The following LITAF variants were observed in gnomAD, a reference collection of about 807,000 sequenced individuals.
The protein encoded by LITAF is lipopolysaccharide induced TNF factor.
A neutral mutation model predicts 14.5 loss-of-function variants in LITAF; 9 were observed. The observed-to-expected ratio is 0.62, with a 90% CI of 0.37 to 1.08. The LOEUF is 1.08. LITAF is among the 50% of genes least tolerant of loss of function. The pLI is 0.01. For missense variants in LITAF, 206 were observed against 213.4 expected (o/e 0.97, Z 0.22); for synonymous variants, 98 against 88.2 (o/e 1.11, Z -0.62).
Position 11,553,521 on chromosome 16 carries a change from A to G in LITAF, c.377+12T>C. On this transcript the variant is annotated intron_variant, in intron 3 of 3. Coordinates refer to ENST00000622633, the MANE Select transcript of LITAF (RefSeq NM_001136472.2). This position sits in a 1 kb window ranked among gnomAD's most constrained non-coding sequence, Gnocchi z 7.7. ...GCAGGATGGCTTGGGGCCAAGTGGG[A>G]GGCAGACTCACCCCAGCAGGCACAG... 1 of 1,613,754 alleles carries G rather than the reference A, an allele frequency of 6.2e-7. No homozygotes were observed. Among genetic ancestry groups the G allele is most frequent in the Non-Finnish European group, 8.5e-7 (1 of 1,179,922 alleles).
rs60579660 is a variant in LITAF, at chr16:11,573,499, G to A, written c.-6+13387C>T. Among the ~76,000 whole-genome samples the A allele has an allele frequency of 8.7e-4, 133 of 152,230 alleles. 1 individual carries two copies. Among genetic ancestry groups the A allele is most frequent in the African/African-American group, 3.0e-3 (124 of 41,542 alleles). On this transcript the variant is annotated intron_variant, in intron 1 of 3. Transcript: ENST00000622633. ...AAGCACATGGGGTATTCACTACAGC[G>A]TTGCTGGTAACAGCAGAAGCCTAGT...
chr16:11,548,937 GCA>G lies in LITAF; in HGVS notation c.*698_*699del. ...TATGGAAAGGGGCACTGAAGATCTGGCACAGAGAAACAAGGGGAGACAGGGCA... is the reference window on the plus strand; with the variant it reads ...TATGGAAAGGGGCACTGAAGATCTGGCAGAGAAACAAGGGGAGACAGGGCA... On this transcript the variant is annotated 3_prime_UTR_variant, in exon 4 of 4. Coordinates refer to ENST00000622633, the MANE Select transcript of LITAF (RefSeq NM_001136472.2). 1 of 454,040 alleles carries G rather than the reference GCA, an allele frequency of 2.2e-6. No individual in the cohort carries two copies. Among genetic ancestry groups the G allele is most frequent in the Non-Finnish European group, 4.4e-6 (1 of 226,790 alleles). 28.1% of individuals were successfully genotyped at this position (454,040 alleles called of 1,614,324 possible).
intron 1 of LITAF, among the ~76,000 whole-genome samples, chr16:11,565,271 C>CG (rs2064433171): frequency 6.6e-6 from 1 of 151,626 alleles, no homozygotes; most frequent in Non-Finnish European, 1.5e-5. Context: ...TTAGTAGAGA[C>CG]GGGGTTTCAC....
At chr16:11,610,821 C>G (rs1209120109) in intron 3 of LITAF, among the ~76,000 whole-genome samples, 1 of 152,124 alleles carries the variant, frequency 6.6e-6, no homozygotes, top group Non-Finnish European at 1.5e-5. Context: ...GGGGGACCAG[C>G]TGGCTCATGG....
intron 3 of LITAF, among the ~76,000 whole-genome samples, chr16:11,609,250 C>T (rs1248387845): frequency 1.3e-5 from 2 of 150,118 alleles, no homozygotes; most frequent in Admixed American, 6.7e-5. Flanking sequence ...CTCACTCTGT[C>T]GCCCAGGCTG....
chr16:11,559,781 G>A (rs1021121332), intron 1 of LITAF, among the ~76,000 whole-genome samples: 1 of 148,364 alleles, frequency 6.7e-6, no homozygotes, highest in Non-Finnish European at 1.5e-5. Flanking sequence ...GATGGCTTGA[G>A]CCCAGGCATT....
intron 1 of LITAF, among the ~76,000 whole-genome samples, chr16:11,597,373 C>T (rs1049831476): frequency 5.3e-5 from 8 of 152,060 alleles, no homozygotes; most frequent in African/African-American, 1.2e-4. Context: ...CAGTGGAGTG[C>T]GGGTGGAGCA....
At chr16:11,599,848 A>G (rs1008939971), upstream of LITAF, among the ~76,000 whole-genome samples, 11 of 152,040 alleles carry the variant, frequency 7.2e-5, no homozygotes, top group African/African-American at 2.7e-4. Context: ...CAGGCATCCC[A>G]GGTATCTATG....
chr16:11,609,549 A>G (rs894234004), intron 3 of LITAF, among the ~76,000 whole-genome samples: 4 of 152,110 alleles, frequency 2.6e-5, no homozygotes, highest in Non-Finnish European at 5.9e-5. Context: ...ATTGTCCGGT[A>G]TGTAAATTAC....
intron 3 of LITAF, among the ~76,000 whole-genome samples, chr16:11,616,070 C>G (rs866402156): frequency 1.7e-4 from 26 of 152,224 alleles, no homozygotes; most frequent in African/African-American, 5.8e-4. Context: ...ACATCCACTA[C>G]CTGGGAGGTG....
chr16:11,557,064 G>GT lies in LITAF; in HGVS notation c.-5-330dup, dbSNP rs1555467011. Among the ~76,000 whole-genome samples, 69,083 of 137,510 alleles carry GT rather than the reference G, an allele frequency of 0.5. 16,327 individuals carry two copies. The highest frequency in any genetic ancestry group is 0.63 in the Admixed American group (9,083 of 14,328). The allele number at this position is 137,510 out of a possible 152,430, so 90.2% of individuals were successfully genotyped here. A position where few individuals can be genotyped will look rare whatever the true frequency, so the allele number is the denominator to read the frequency against. On this transcript the variant is annotated intron_variant, in intron 1 of 3. Transcript: ENST00000622633. ...CCATATCTGGTGTTTCTTCTTCGTT[G>GT]TTTTTTTTTGTTTGTTTTTTTGTGG...
At chr16:11,587,070 G>T (rs573198502), upstream of LITAF, 49 of 169,254 alleles carry the variant, frequency 2.9e-4, no homozygotes, top group South Asian at 5.0e-3. Flanking sequence ...GACCACCGCC[G>T]GTTCCCCGCC....
chr16:11,590,098 G>C (rs575038909), upstream of LITAF, among the ~76,000 whole-genome samples: 20 of 101,634 alleles, frequency 2.0e-4, 5 homozygotes, highest in Non-Finnish European at 3.5e-4. Context: ...TTTGAATCTA[G>C]CCTGGGCAAC....
At chr16:11,613,422 C>T (rs1475013007) in intron 3 of LITAF, among the ~76,000 whole-genome samples, 2 of 152,224 alleles carry the variant, frequency 1.3e-5, no homozygotes, top group Non-Finnish European at 2.9e-5. Context: ...CTGCCTTCTC[C>T]TGACCATCTG....
chr16:11,624,194 A>G (rs1338287587), intron 3 of LITAF, among the ~76,000 whole-genome samples: 1 of 152,160 alleles, frequency 6.6e-6, no homozygotes, highest in African/African-American at 2.4e-5. Flanking sequence ...TGATTGTATC[A>G]TTCATTATCA....
chr16:11,551,662 C>T (rs2064183306), intron 3 of LITAF: 2 of 543,986 alleles, frequency 3.7e-6, no homozygotes, highest in Non-Finnish European at 6.6e-6. Context: ...CTTCCACACA[C>T]ACAAAAAAAA....
intron 3 of LITAF, among the ~76,000 whole-genome samples, chr16:11,610,368 G>T (rs1341794234): frequency 6.6e-6 from 1 of 152,210 alleles, no homozygotes; most frequent in Admixed American, 6.5e-5. Context: ...TGGAGGGTTG[G>T]TGGGGGTGAG....
upstream of LITAF, among the ~76,000 whole-genome samples, chr16:11,587,716 C>T (rs2064822805): frequency 6.6e-6 from 1 of 152,196 alleles, no homozygotes; most frequent in South Asian, 2.1e-4. Flanking sequence ...AAATGGGTGC[C>T]ATCTGCCCGT....
At chr16:11,635,811 C>T (rs2065135853) in intron 2 of LITAF, 1 of 152,218 alleles carries the variant, frequency 6.6e-6, no homozygotes, top group Non-Finnish European at 1.5e-5. Context: ...ATTTCTGAGC[C>T]ACACTCCCAG....
Sources: allele counts gnomAD v4.1 joint callset (sites outside exome capture counted in the v4.1 genomes callset), GRCh38; gene constraint gnomAD v4.1.1; non-coding constraint Gnocchi (gnomAD v3.1); transcripts MANE v1.5; gene names NCBI Gene and HGNC (gene_info 2026-07-23, HGNC 2026-07-21).